The following PLEKHG1 variants were observed in gnomAD, a reference collection of about 807,000 sequenced individuals.
PLEKHG1 encodes pleckstrin homology domain-containing family G member 1.
Under a neutral mutation model 100.8 loss-of-function variants are expected in PLEKHG1, and 44 were observed. The ratio of observed to expected loss-of-function variants is 0.44; its 90% CI spans 0.34 to 0.56. The LOEUF (loss-of-function observed/expected upper bound fraction) is 0.56, where lower values mean the gene tolerates loss of function less well. Among genes scored for constraint, PLEKHG1 ranks in the 20% least tolerant of loss-of-function variants. The pLI is 0.01. For synonymous variants in PLEKHG1, 640 were observed against 662.5 expected, an observed-to-expected ratio of 0.97 and a Z score of 0.52; for missense variants, 1,545 against 1,720.9, an observed-to-expected ratio of 0.90 and a Z score of 1.81.
chr6:150,668,619 C>T (rs1779485597), intron 3 of PLEKHG1, among the ~76,000 whole-genome samples: 1 of 152,196 alleles, frequency 6.6e-6, no homozygotes, highest in Non-Finnish European at 1.5e-5. Flanking sequence ...CCACATTCCA[C>T]TCAGCTGGGC....
chr6:150,741,438 G>A (rs1018741927), intron 2 of PLEKHG1, among the ~76,000 whole-genome samples: 37 of 152,130 alleles, frequency 2.4e-4, no homozygotes, highest in African/African-American at 8.2e-4. Flanking sequence ...ATAGATTCCC[G>A]CAGCTATAAA....
rs1786150428 is a variant in PLEKHG1, at chr6:150,793,921, A to C, written c.583-1935A>C. On this transcript the variant is annotated intron_variant, in intron 4 of 15. Transcript: ENST00000358517. The stretch of plus-strand genomic sequence containing the variant: ...ACATGGTGAAACCCCATCTCCACTA[A>C]AAATGCAAAAATTAGCCAGGCATGG... Among the ~76,000 whole-genome samples the C allele has an allele frequency of 2.6e-5, 4 of 152,108 alleles. No homozygotes were observed. In the South Asian group the frequency reaches 8.3e-4, roughly 32 times the overall value.
At chr6:150,713,480 G>A (rs1318187341) in intron 3 of PLEKHG1, among the ~76,000 whole-genome samples, 1 of 152,146 alleles carries the variant, frequency 6.6e-6, no homozygotes, top group Non-Finnish European at 1.5e-5. Flanking sequence ...GCTCCCCTGA[G>A]ATAAATCATT....
At chr6:150,809,240 A>C in exon 8 of PLEKHG1, 3 of 1,614,212 alleles carry the variant, frequency 1.9e-6, no homozygotes, top group Non-Finnish European at 1.7e-6. Context: ...GCTGCTGCTC[A>C]TCACGAAGAA....
At chr6:150,787,652 C>T (rs1419999053) in intron 4 of PLEKHG1, among the ~76,000 whole-genome samples, 1 of 152,180 alleles carries the variant, frequency 6.6e-6, no homozygotes, top group Non-Finnish European at 1.5e-5. Flanking sequence ...TCCAGTCTGA[C>T]CTGGCTCTGG....
chr6:150,834,668 C>T (rs1262785221), intron 15 of PLEKHG1, among the ~76,000 whole-genome samples: 5 of 152,140 alleles, frequency 3.3e-5, no homozygotes, highest in African/African-American at 4.8e-5. Context: ...GTTGGCTCTC[C>T]TTTTTGTTTT....
chr6:150,810,094 G>A (rs556510012), intron 10 of PLEKHG1, among the ~76,000 whole-genome samples: 18 of 151,864 alleles, frequency 1.2e-4, no homozygotes, highest in Non-Finnish European at 1.9e-4. Flanking sequence ...CTAGGAGTTC[G>A]AGACCAGCCT....
intron 2 of PLEKHG1, among the ~76,000 whole-genome samples, chr6:150,764,148 G>A (rs988313763): frequency 7.2e-6 from 1 of 138,422 alleles, no homozygotes. Context: ...ACAGAGTTTA[G>A]CTCTTGTTGC....
chr6:150,812,774 C>T (rs1466546668), intron 10 of PLEKHG1, among the ~76,000 whole-genome samples: 1 of 151,802 alleles, frequency 6.6e-6, no homozygotes, highest in Non-Finnish European at 1.5e-5. Context: ...CTTGTTGGAA[C>T]GGGGCCTGGG....
chr6:150,776,849 G>T (rs1390446938), intron 3 of PLEKHG1, among the ~76,000 whole-genome samples: 1 of 146,458 alleles, frequency 6.8e-6, no homozygotes, highest in Non-Finnish European at 1.5e-5. Context: ...TTGCACATCA[G>T]CCACACTGAT....
At chr6:150,792,905 G>A (rs971417306) in intron 4 of PLEKHG1, among the ~76,000 whole-genome samples, 2 of 152,146 alleles carry the variant, frequency 1.3e-5, no homozygotes, top group Admixed American at 6.5e-5. Context: ...AGCTACAAAA[G>A]ACCATAGGCC....
At chr6:150,647,817 G>C (rs1042420683) in intron 2 of PLEKHG1, among the ~76,000 whole-genome samples, 11 of 151,968 alleles carry the variant, frequency 7.2e-5, no homozygotes, top group Non-Finnish European at 8.8e-5. Context: ...ATCCTATTTT[G>C]AATTTATAGA....
At chr6:150,806,662 C>CAAAA (rs4036093) in intron 7 of PLEKHG1, among the ~76,000 whole-genome samples, 1 of 132,636 alleles carries the variant, frequency 7.5e-6, no homozygotes, top group African/African-American at 2.8e-5. Flanking sequence ...GAGACTGTCT[C>CAAAA]AAAAAAAAAA....
At chr6:150,611,104 G>C (rs1776808424) in intron 1 of PLEKHG1, among the ~76,000 whole-genome samples, 1 of 152,216 alleles carries the variant, frequency 6.6e-6, no homozygotes, top group South Asian at 2.1e-4. Context: ...TCCCACTAGA[G>C]AGCATGGTAA....
intron 2 of PLEKHG1, among the ~76,000 whole-genome samples, chr6:150,737,483 G>C (rs1340032606): frequency 9.2e-5 from 14 of 151,666 alleles, no homozygotes; most frequent in Admixed American, 9.2e-4. Flanking sequence ...TAGTAGAGAC[G>C]GGGTTTCACC....
chr6:150,742,664 C>G (rs1462193641), intron 2 of PLEKHG1, among the ~76,000 whole-genome samples: 5 of 151,828 alleles, frequency 3.3e-5, no homozygotes, highest in Non-Finnish European at 7.4e-5. Flanking sequence ...AAATCCGCCC[C>G]CATGATCCAG....
chr6:150,696,153 C>T (rs1332904521), intron 3 of PLEKHG1, among the ~76,000 whole-genome samples: 2 of 152,142 alleles, frequency 1.3e-5, no homozygotes, highest in Non-Finnish European at 2.9e-5. Context: ...AGGATGTCTT[C>T]CCTCTGTCAA....
intron 2 of PLEKHG1, among the ~76,000 whole-genome samples, chr6:150,747,383 C>A (rs1004468646): frequency 1.3e-5 from 2 of 152,130 alleles, no homozygotes; most frequent in African/African-American, 4.8e-5. Context: ...TTCTGTAACA[C>A]GTAGAACAGG....
intron 2 of PLEKHG1, among the ~76,000 whole-genome samples, chr6:150,639,593 G>A (rs925335848): frequency 9.9e-5 from 15 of 151,342 alleles, no homozygotes; most frequent in Non-Finnish European, 2.2e-4. Flanking sequence ...GTATTTCAAT[G>A]AGACAATGAA....
Sources: allele counts gnomAD v4.1 joint callset (sites outside exome capture counted in the v4.1 genomes callset), GRCh38; gene constraint gnomAD v4.1.1; transcripts MANE v1.5; gene names NCBI Gene and HGNC (gene_info 2026-07-23, HGNC 2026-07-21).